The following ZNF385B variants were observed in gnomAD, a reference collection of about 807,000 sequenced individuals.
ZNF385B encodes zinc finger protein 533.
A neutral mutation model predicts 39.2 loss-of-function variants in ZNF385B; 23 were observed. The ratio of observed to expected loss-of-function variants is 0.59; its 90% CI spans 0.42 to 0.83. The LOEUF is 0.83. ZNF385B is among the 40% of genes least tolerant of loss of function. The pLI is 0.00. For synonymous variants in ZNF385B, 205 were observed against 222.6 expected, an observed-to-expected ratio of 0.92 and a Z score of 0.70; for missense variants, 552 against 598.9, an observed-to-expected ratio of 0.92 and a Z score of 0.82.
intron 3 of ZNF385B, among the ~76,000 whole-genome samples, chr2:179,610,269 A>G (rs1689178878): frequency 6.6e-6 from 1 of 152,104 alleles, no homozygotes; most frequent in Non-Finnish European, 1.5e-5. Context: ...ATTCTTCTGC[A>G]TATGTATATT....
chr2:179,551,535 C>T (rs1310449405), intron 3 of ZNF385B, among the ~76,000 whole-genome samples: 3 of 139,196 alleles, frequency 2.2e-5, no homozygotes, highest in Non-Finnish European at 4.7e-5. Context: ...CATACTAAAT[C>T]ACACACCCAC....
intron 3 of ZNF385B, among the ~76,000 whole-genome samples, chr2:179,547,708 T>C (rs1244595766): frequency 6.7e-6 from 1 of 149,690 alleles, no homozygotes; most frequent in Non-Finnish European, 1.5e-5. Flanking sequence ...GGATCCTTTG[T>C]GCTTCCATAT....
intron 6 of ZNF385B, among the ~76,000 whole-genome samples, chr2:179,478,723 C>G (rs1300361927): frequency 6.6e-6 from 1 of 152,102 alleles, no homozygotes; most frequent in African/African-American, 2.4e-5. Context: ...TTTAAAAAAT[C>G]CAATGCGAAA....
At chr2:179,537,769 A>G (rs200628969) in intron 4 of ZNF385B, among the ~76,000 whole-genome samples, 1 of 146,920 alleles carries the variant, frequency 6.8e-6, no homozygotes, top group Non-Finnish European at 1.5e-5. Flanking sequence ...AAACAAACAA[A>G]AAAAAAAATT....
intron 3 of ZNF385B, among the ~76,000 whole-genome samples, chr2:179,556,774 T>C (rs1350118747): frequency 6.7e-6 from 1 of 149,170 alleles, no homozygotes; most frequent in Non-Finnish European, 1.5e-5. Flanking sequence ...GTGTTGTCTC[T>C]GATGCTGATG....
intron 3 of ZNF385B, among the ~76,000 whole-genome samples, chr2:179,693,038 G>A (rs1374761206): frequency 2.0e-5 from 3 of 152,208 alleles, no homozygotes; most frequent in Non-Finnish European, 4.4e-5. Context: ...CTTCACTCAA[G>A]AACTATTAAA....
chr2:179,799,362 G>A lies in ZNF385B; in HGVS notation c.-154-28690C>T, dbSNP rs561013708. On this transcript the variant is annotated intron_variant, in intron 1 of 9. Transcript: ENST00000410066. ...TTTTAAAAGCTGGCTATTTCTGCTA[G>A]AGTCAGTGTTGTATTCCTTTACATT... Among the ~76,000 whole-genome samples the A allele has an allele frequency of 5.3e-5, 8 of 152,140 alleles. No homozygotes were observed. The South Asian group carries it at 1.7e-3, about 32-fold the overall frequency.
chr2:179,451,264 A>AG (rs1279579399), intron 6 of ZNF385B, among the ~76,000 whole-genome samples: 3 of 151,474 alleles, frequency 2.0e-5, no homozygotes, highest in African/African-American at 7.3e-5. Flanking sequence ...AAAAAAAAAA[A>AG]AAGAAAGAAA....
intron 3 of ZNF385B, among the ~76,000 whole-genome samples, chr2:179,754,465 T>G (rs1348571230): frequency 2.0e-5 from 3 of 152,182 alleles, no homozygotes; most frequent in Admixed American, 6.5e-5. Context: ...TTAGGGAGGA[T>G]TCCCTCTTTT....
At chr2:179,520,990 G>C (rs1360263255) in intron 4 of ZNF385B, among the ~76,000 whole-genome samples, 1 of 152,084 alleles carries the variant, frequency 6.6e-6, no homozygotes, top group African/African-American at 2.4e-5. Flanking sequence ...TATCCTAGCT[G>C]TTTCCATGCC....
intron 3 of ZNF385B, among the ~76,000 whole-genome samples, chr2:179,766,059 C>A (rs183573879): frequency 1.3e-5 from 2 of 151,896 alleles, no homozygotes; most frequent in East Asian, 3.9e-4. Flanking sequence ...CACACACACA[C>A]ACACACAGCA....
chr2:179,493,689 A>ACATGCATATACG (rs2055663409), intron 5 of ZNF385B, among the ~76,000 whole-genome samples: 2 of 96,144 alleles, frequency 2.1e-5, no homozygotes, highest in East Asian at 5.8e-4. Context: ...ACATATACAC[A>ACATGCATATACG]TATATACATA....
rs1381790701 is a variant in ZNF385B, at chr2:179,638,877, A to G, written c.299-93908T>C. Among the ~76,000 whole-genome samples, 6 of 152,270 alleles carry G rather than the reference A, an allele frequency of 3.9e-5. 1 individual carries two copies. The South Asian group carries it at 1.0e-3, about 26-fold the overall frequency. ...CCTGCTGATGATCACATCTGGCACA[A>G]TTTGAGTATCAAAATGAAAAATTAC... On this transcript the variant is annotated intron_variant, in intron 3 of 9. Coordinates refer to ENST00000410066, the MANE Select transcript of ZNF385B (RefSeq NM_152520.6).
chr2:179,717,078 T>G (rs1477377381), intron 3 of ZNF385B, among the ~76,000 whole-genome samples: 1 of 152,206 alleles, frequency 6.6e-6, no homozygotes, highest in Non-Finnish European at 1.5e-5. Context: ...TACTCTGTTA[T>G]GCAGCAATGG....
At chr2:179,734,218 T>C (rs1701593082) in intron 3 of ZNF385B, among the ~76,000 whole-genome samples, 1 of 152,238 alleles carries the variant, frequency 6.6e-6, no homozygotes. Context: ...TTTATGTATA[T>C]GTATATACAC....
Position 179,443,121 on chromosome 2 carries a change from A to C in ZNF385B, c.*129T>G. ...ATGTGTTTCTCTCTGGAATTGGGGG[A>C]CTGGGTGGTGGGCTGCATTTTGTGG... On this transcript the variant is annotated 3_prime_UTR_variant, in exon 10 of 10. Transcript: ENST00000410066. 2 of 961,416 alleles carry C rather than the reference A, an allele frequency of 2.1e-6. No homozygotes were observed. Among genetic ancestry groups the C allele is most frequent in the Non-Finnish European group, 3.2e-6 (2 of 616,922 alleles). 59.6% of individuals were successfully genotyped at this position (961,416 alleles called of 1,614,324 possible).
chr2:179,663,795 C>A (rs1181400774), intron 3 of ZNF385B, among the ~76,000 whole-genome samples: 1 of 150,166 alleles, frequency 6.7e-6, no homozygotes, highest in African/African-American at 2.5e-5. Context: ...AAACTAAGTG[C>A]TAGCTATGCG....
intron 3 of ZNF385B, among the ~76,000 whole-genome samples, chr2:179,560,675 C>G (rs1206283616): frequency 6.6e-6 from 1 of 152,084 alleles, no homozygotes; most frequent in Admixed American, 6.6e-5. Context: ...GCATCTCTGT[C>G]TCTGTCTCTC....
intron 3 of ZNF385B, among the ~76,000 whole-genome samples, chr2:179,641,346 G>T (rs113638962): frequency 1.8e-4 from 27 of 152,110 alleles, no homozygotes; most frequent in African/African-American, 6.5e-4. Flanking sequence ...CCTTCCCCAT[G>T]CAGTTATATT....
Sources: allele counts gnomAD v4.1 joint callset (sites outside exome capture counted in the v4.1 genomes callset), GRCh38; gene constraint gnomAD v4.1.1; transcripts MANE v1.5; gene names NCBI Gene and HGNC (gene_info 2026-07-23, HGNC 2026-07-21).